KIF1B: variants seen among roughly 807,000 people sequenced by gnomAD.
The protein encoded by KIF1B is kinesin-like protein KIF1B.
KIF1B carries 76 observed loss-of-function variants against 241.9 expected under a neutral mutation model. The ratio of observed to expected loss-of-function variants is 0.31; its 90% CI spans 0.26 to 0.38. KIF1B has a LOEUF of 0.38. Among genes scored for constraint, KIF1B ranks in the 10% least tolerant of loss-of-function variants. The pLI is 1.00. For missense variants in KIF1B, 1,622 were observed against 2,271.4 expected, an observed-to-expected ratio of 0.71 and a Z score of 5.81; for synonymous variants, 750 against 796.7, an observed-to-expected ratio of 0.94 and a Z score of 0.99.
At chr1:10,238,870 C>T (rs1647095025) in intron 2 of KIF1B, among the ~76,000 whole-genome samples, 1 of 152,060 alleles carries the variant, frequency 6.6e-6, no homozygotes, top group African/African-American at 2.4e-5. Flanking sequence ...AAAGAAAAGT[C>T]ATCTGTATTC....
rs558414542 is a variant in KIF1B, at chr1:10,303,128, T to G, written c.2115+5882T>G. 1.1e-5 allele frequency: 17 copies of G among 1,598,844 alleles called. No homozygotes were observed. Among genetic ancestry groups the G allele is most frequent in the Middle Eastern group, 1.7e-4 (1 of 5,840 alleles). The stretch of plus-strand genomic sequence containing the variant: ...CTTTTTTACATTTTAATTTTGGTTA[T>G]TTTGGGGCCATTTTTTGATTTTGTT... On this transcript the variant is annotated intron_variant, in intron 22 of 48. Transcript: ENST00000676179. The surrounding 1 kb of genome is among the most constrained non-coding windows in gnomAD (Gnocchi z 5.2).
At position 10,210,994 on chromosome 1, in the gene KIF1B, C is replaced by G. The variant is rs1483015047; in HGVS notation, c.-80+116C>G. 1 of 151,870 alleles carries G rather than the reference C, an allele frequency of 6.6e-6. No individual in the cohort carries two copies. Among genetic ancestry groups the G allele is most frequent in the Non-Finnish European group, 1.5e-5 (1 of 67,982 alleles). The allele number at this position is 151,870 out of a possible 1,614,324, so 9.4% of individuals were successfully genotyped here. ...CCGGGCGGGGTCTGAGGGGAGGTAG[C>G]GCGGGACGGGCGCCGGGTGCGGGAG... is the stretch of plus-strand genomic sequence containing the variant. On this transcript the variant is annotated intron_variant, in intron 1 of 48. Coordinates refer to ENST00000676179, the MANE Select transcript of KIF1B (RefSeq NM_001365951.3). The surrounding 1 kb of genome is among the most constrained non-coding windows in gnomAD (Gnocchi z 4.1).
chr1:10,238,953 T>C (rs564774833), intron 2 of KIF1B, among the ~76,000 whole-genome samples: 5 of 152,170 alleles, frequency 3.3e-5, no homozygotes, highest in African/African-American at 1.2e-4. Flanking sequence ...AGTTTTTTTG[T>C]TTTTGGTTTT....
chr1:10,268,091 G>A (rs987411475), intron 6 of KIF1B, 61 bp from the exon 7 acceptor site: 1 of 1,029,862 alleles, frequency 9.7e-7, no homozygotes, highest in Non-Finnish European at 1.5e-6. Context: ...GGAGCCTGCT[G>A]TCCATTTCAA....
At chr1:10,295,197 G>T (rs200158748) in intron 18 of KIF1B, 32 bp downstream of exon 18, 2 of 1,280,346 alleles carry the variant, frequency 1.6e-6, no homozygotes, top group Non-Finnish European at 2.3e-6. Flanking sequence ...GTCACTTCGT[G>T]TGTTTTCCCC....
intron 37 of KIF1B, among the ~76,000 whole-genome samples, chr1:10,349,968 C>T (rs1043925739): frequency 3.3e-5 from 5 of 152,288 alleles, no homozygotes; most frequent in African/African-American, 1.2e-4. Context: ...ATTCTAATTA[C>T]CATAATTTCC....
intron 1 of KIF1B, among the ~76,000 whole-genome samples, chr1:10,225,257 C>T (rs780856585): frequency 1.3e-5 from 2 of 152,044 alleles, no homozygotes; most frequent in Non-Finnish European, 2.9e-5. Flanking sequence ...GCTGAGGCTG[C>T]AGTGAGCTGA....
chr1:10,344,173 G>A (rs61778379), intron 34 of KIF1B, among the ~76,000 whole-genome samples: 5,292 of 152,184 alleles, frequency 0.035, 292 homozygotes, highest in African/African-American at 0.12. Flanking sequence ...TTCTGAGCAC[G>A]CCAGTGTGCT....
rs778779640 is a variant in KIF1B at position 10,277,962 on chromosome 1, A to G, written c.1038-24A>G. ...AGTAGAACATATGAGAAATGACAAG[A>G]ACAAATTTTCTTTTTGGATCTAGAT... is the stretch of plus-strand genomic sequence containing the variant. On this transcript the variant is annotated intron_variant, in intron 12 of 48. Coordinates refer to ENST00000676179, the MANE Select transcript of KIF1B (RefSeq NM_001365951.3). The G allele has an allele frequency of 1.9e-6, 3 of 1,610,066 alleles. No homozygotes were observed. The East Asian group carries it at 6.7e-5, about 36-fold the overall frequency.
rs772779601 is a variant in KIF1B at position 10,334,635 on chromosome 1, G to A, written c.3040G>A (p.Ala1014Thr). The part of the protein sequence containing the change: ...GFLRVAVQAI[A>T]ADEEAPDYGS... The stretch of plus-strand genomic sequence containing the variant: ...TCTGCGTGTGGCTGTACAGGCCATC[G>A]CAGGTAGGTGACCCTCTTCTGAAAT... The change falls in exon 28 of 49, where the codon GCA becomes ACA. Residue 1014 changes from alanine (A) to threonine (T), a missense_variant. Coordinates refer to ENST00000676179, the MANE Select transcript of KIF1B (RefSeq NM_001365951.3). The A allele has an allele frequency of 7.5e-6, 12 of 1,610,030 alleles. No individual in the cohort carries two copies. The highest frequency in any genetic ancestry group is 1.0e-5 in the Non-Finnish European group (12 of 1,176,394).
intron 2 of KIF1B, among the ~76,000 whole-genome samples, chr1:10,236,306 A>AACAACAACAACAAC (rs1553161281): frequency 3.4e-4 from 51 of 148,784 alleles, no homozygotes; most frequent in East Asian, 1.4e-3. Flanking sequence ...ACAACAACAA[A>AACAACAACAACAAC]AACCCATATA....
chr1:10,264,915 C>G (rs1395995267), intron 5 of KIF1B, among the ~76,000 whole-genome samples: 1 of 152,214 alleles, frequency 6.6e-6, no homozygotes, highest in East Asian at 1.9e-4. Flanking sequence ...CCCGCCTTGG[C>G]CTCCCAAAGG....
intron 2 of KIF1B, among the ~76,000 whole-genome samples, chr1:10,247,786 A>C (rs1022175052): frequency 6.6e-6 from 1 of 152,156 alleles, no homozygotes; most frequent in Non-Finnish European, 1.5e-5. Context: ...GTGGTCCCCA[A>C]CCTTTTTGGC....
intron 12 of KIF1B, among the ~76,000 whole-genome samples, chr1:10,277,322 C>G (rs1300154443): frequency 6.6e-6 from 1 of 151,382 alleles, no homozygotes; most frequent in African/African-American, 2.4e-5. Context: ...ACAGAATGTT[C>G]ATAAAAAGTT....
intron 6 of KIF1B, 139 bp downstream of exon 6, chr1:10,267,697 G>A (rs933740245): frequency 1.5e-5 from 11 of 753,016 alleles, no homozygotes; most frequent in African/African-American, 1.4e-4. Flanking sequence ...TGACTGTGCT[G>A]TAACAGTGAG....
intron 22 of KIF1B, among the ~76,000 whole-genome samples, chr1:10,315,501 C>A (rs1413867847): frequency 2.0e-5 from 3 of 151,262 alleles, no homozygotes; most frequent in East Asian, 3.9e-4. Flanking sequence ...ATACCACTAT[C>A]CCATCTAGGA....
At chr1:10,329,616 C>T (rs907470737) in intron 27 of KIF1B, among the ~76,000 whole-genome samples, 1 of 152,044 alleles carries the variant, frequency 6.6e-6, no homozygotes, top group Admixed American at 6.6e-5. Flanking sequence ...GCCTGTAATC[C>T]CAGCTACTCA....
At position 10,276,436 on chromosome 1, in the gene KIF1B, A is replaced by AT; in HGVS notation, c.1037+39dup. On this transcript the variant is annotated intron_variant, in intron 12 of 48. Transcript: ENST00000676179. ...TGATCTCAGTAACAACATAGACCAC[A>AT]TTGCCATCAGAAGCCATTTTGTGAT... 1.4e-6 allele frequency: 2 copies of AT among 1,470,408 alleles called. 1 individual carries two copies. The highest frequency in any genetic ancestry group is 2.3e-5 in the South Asian group (2 of 87,170). 91.1% of individuals were successfully genotyped at this position (1,470,408 alleles called of 1,614,324 possible).
intron 1 of KIF1B, among the ~76,000 whole-genome samples, chr1:10,222,137 T>C (rs1366387072): frequency 6.6e-6 from 1 of 152,192 alleles, no homozygotes; most frequent in Non-Finnish European, 1.5e-5. Context: ...AATAATTTTA[T>C]GGAGCAAAGG....
Sources: allele counts gnomAD v4.1 joint callset (sites outside exome capture counted in the v4.1 genomes callset), GRCh38; gene constraint gnomAD v4.1.1; non-coding constraint Gnocchi (gnomAD v3.1); transcripts MANE v1.5; gene names NCBI Gene and HGNC (gene_info 2026-07-23, HGNC 2026-07-21).